PBRM1: variants seen among roughly 807,000 people sequenced by gnomAD.
PBRM1 encodes the protein polybromo 1, also known as protein polybromo-1.
Under a neutral mutation model 194.5 loss-of-function variants are expected in PBRM1, and 27 were observed. The ratio of observed to expected loss-of-function variants is 0.14; its 90% CI spans 0.10 to 0.19. The LOEUF (loss-of-function observed/expected upper bound fraction) is 0.19. Ranked by LOEUF, PBRM1 falls within the 10% of genes least tolerant of loss-of-function variation. The pLI is 1.00. For missense variants in PBRM1, 1,466 were observed against 2,077.2 expected (o/e 0.71, Z 5.72); for synonymous variants, 655 against 693.2 (o/e 0.94, Z 0.87).
At chr3:52,567,756 C>A (rs1053553132) in intron 22 of PBRM1, among the ~76,000 whole-genome samples, 31 of 150,486 alleles carry the variant, frequency 2.1e-4, no homozygotes, top group African/African-American at 7.3e-4. Flanking sequence ...CTCAGCCTCC[C>A]GAGTAGCTGG....
chr3:52,653,518 G>A (rs980552869), intron 5 of PBRM1, among the ~76,000 whole-genome samples: 2 of 151,502 alleles, frequency 1.3e-5, no homozygotes, highest in Admixed American at 6.6e-5. Context: ...GAACCTGGGA[G>A]GTGGAGGTTG....
At chr3:52,673,537 T>G (rs1415984811) in intron 2 of PBRM1, among the ~76,000 whole-genome samples, 1 of 150,382 alleles carries the variant, frequency 6.6e-6, no homozygotes, top group Non-Finnish European at 1.5e-5. Flanking sequence ...CCAGGCATAG[T>G]GGTGTATGCC....
At chr3:52,675,222 T>C (rs2097070731) in intron 2 of PBRM1, among the ~76,000 whole-genome samples, 1 of 152,028 alleles carries the variant, frequency 6.6e-6, no homozygotes, top group Non-Finnish European at 1.5e-5. Flanking sequence ...GAATCAGTAA[T>C]AAAAAATCTC....
rs567622995 is a variant in PBRM1 at position 52,579,483 on chromosome 3, G to A, written c.3388-284C>T. Among the ~76,000 whole-genome samples, 611 of 152,178 alleles carry A rather than the reference G, an allele frequency of 4.0e-3. 3 individuals are homozygous for A. The highest frequency in any genetic ancestry group is 0.022 in the South Asian group (108 of 4,812). ...ATGGTAGCGCATGCCTGTAGTCCCA[G>A]CTACTCAAAGAGACTGAGGTGGGTA... On this transcript the variant is annotated intron_variant, in intron 20 of 29. Coordinates refer to ENST00000296302, the Ensembl canonical transcript of PBRM1.
chr3:52,587,235 G>A lies in PBRM1; in HGVS notation c.3123+118C>T, dbSNP rs532932108. On this transcript the variant is annotated intron_variant, in intron 19 of 29. Coordinates refer to ENST00000296302, the Ensembl canonical transcript of PBRM1. ...TCTTTTCATATAGCTATATAGACAC[G>A]GCTTAAAAAATAGCTTAAAACAGAG... The A allele has an allele frequency of 2.1e-5, 17 of 800,660 alleles. No individual in the cohort carries two copies. In the East Asian group the frequency reaches 2.3e-4, roughly 11 times the overall value. The allele number at this position is 800,660 out of a possible 1,614,324, so 49.6% of individuals were successfully genotyped here. A position where few individuals can be genotyped will look rare whatever the true frequency, so the allele number is the denominator to read the frequency against.
At chr3:52,597,105 C>A (rs989072582) in intron 17 of PBRM1, among the ~76,000 whole-genome samples, 2 of 152,184 alleles carry the variant, frequency 1.3e-5, no homozygotes, top group Non-Finnish European at 2.9e-5. Flanking sequence ...GCAAATCCCT[C>A]AATCACTGTG....
chr3:52,614,113 C>A (rs2094807954), intron 15 of PBRM1, among the ~76,000 whole-genome samples: 1 of 151,988 alleles, frequency 6.6e-6, no homozygotes, highest in African/African-American at 2.4e-5. Context: ...TGGCTCACAC[C>A]CGTAATCCCA....
intron 26 of PBRM1, among the ~76,000 whole-genome samples, chr3:52,555,561 G>A (rs746757168): frequency 6.6e-6 from 1 of 152,144 alleles, no homozygotes; most frequent in Non-Finnish European, 1.5e-5. Context: ...TCCCAACCAA[G>A]CCAACCAAGT....
exon 29 of PBRM1, chr3:52,550,516 G>A (rs2153373468): frequency 2.5e-6 from 4 of 1,582,616 alleles, no homozygotes; most frequent in South Asian, 1.2e-5. Flanking sequence ...AAGCCGCTGG[G>A]TCTTTGGTGG....
At chr3:52,576,167 T>C (rs1272178889) in intron 22 of PBRM1, among the ~76,000 whole-genome samples, 1 of 152,078 alleles carries the variant, frequency 6.6e-6, no homozygotes, top group Admixed American at 6.5e-5. Flanking sequence ...AGAAAGAATA[T>C]TTGAAGAAAT....
intron 5 of PBRM1, among the ~76,000 whole-genome samples, chr3:52,654,055 G>C (rs1188790839): frequency 6.6e-6 from 1 of 152,192 alleles, no homozygotes; most frequent in Non-Finnish European, 1.5e-5. Context: ...CTTTCCTACA[G>C]ATTTTCTTCC....
intron 25 of PBRM1, among the ~76,000 whole-genome samples, chr3:52,559,613 T>C (rs970382528): frequency 6.6e-6 from 1 of 152,016 alleles, no homozygotes; most frequent in African/African-American, 2.4e-5. Flanking sequence ...ACACCACTGA[T>C]TTCAGGAGGG....
intron 22 of PBRM1, among the ~76,000 whole-genome samples, chr3:52,567,017 C>T (rs1032174357): frequency 1.2e-3 from 172 of 146,834 alleles, no homozygotes; most frequent in Non-Finnish European, 3.4e-4. Flanking sequence ...TGCAGGGAGC[C>T]GAGACTGTGC....
intron 17 of PBRM1, among the ~76,000 whole-genome samples, chr3:52,597,343 T>A (rs2093648238): frequency 6.6e-6 from 1 of 152,200 alleles, no homozygotes; most frequent in African/African-American, 2.4e-5. Flanking sequence ...GGACAATTGG[T>A]GGAGGCTTCT....
chr3:52,548,080 T>G (rs770490657), exon 30 of PBRM1: 1 of 1,610,942 alleles, frequency 6.2e-7, no homozygotes, highest in Non-Finnish European at 8.5e-7. Context: ...TTTTCTAGGT[T>G]GTATGCTTGG....
intron 17 of PBRM1, among the ~76,000 whole-genome samples, chr3:52,598,103 A>G (rs1488201742): frequency 6.6e-6 from 1 of 152,232 alleles, no homozygotes; most frequent in Non-Finnish European, 1.5e-5. Context: ...ACAACTTCAT[A>G]TATGATTCAC....
At chr3:52,641,446 C>CAAAAAAA (rs386396638) in intron 10 of PBRM1, among the ~76,000 whole-genome samples, 3 of 69,924 alleles carry the variant, frequency 4.3e-5, no homozygotes, top group Non-Finnish European at 7.9e-5. Flanking sequence ...GACTCCATCT[C>CAAAAAAA]AAAAAAAAAA....
Position 52,627,257 on chromosome 3 carries a change from T to C in PBRM1, c.1541+16A>G, listed in dbSNP as rs368529279. 1.4e-6 allele frequency: 2 copies of C among 1,419,388 alleles called. No individual in the cohort carries two copies. The highest frequency in any genetic ancestry group is 1.2e-5 in the South Asian group (1 of 86,282). 87.9% of individuals were successfully genotyped at this position (1,419,388 alleles called of 1,614,324 possible). On this transcript the variant is annotated intron_variant, in intron 13 of 29. Transcript: ENST00000296302. Reference sequence around the variant, plus strand: ...ACAGGAACTGAGATGTCCCCAGCTATAAGAAGAGTATATACCTTTTTCTTT... The same window carrying C: ...ACAGGAACTGAGATGTCCCCAGCTACAAGAAGAGTATATACCTTTTTCTTT...
At chr3:52,546,810 T>C, downstream of PBRM1, 3 of 233,364 alleles carry the variant, frequency 1.3e-5, no homozygotes, top group Non-Finnish European at 2.5e-5. Context: ...TGTAATGGTC[T>C]TTCTAGTAAG....
Sources: gnomAD v4.1 joint callset for allele counts (sites outside exome capture counted in the v4.1 genomes callset) on GRCh38, gnomAD v4.1.1 for gene constraint, MANE v1.5 for transcripts, NCBI Gene and HGNC (gene_info 2026-07-23, HGNC 2026-07-21) for gene names.